Variants in UBE3D observed in about 807,000 individuals in gnomAD.
UBE3D encodes E3 ubiquitin-protein ligase E3D.
A neutral mutation model predicts 49.6 loss-of-function variants in UBE3D; 48 were observed. The observed-to-expected ratio is 0.97, with a 90% CI of 0.77 to 1.23. The LOEUF (loss-of-function observed/expected upper bound fraction) is 1.23. Ranked by LOEUF, UBE3D falls within the 50% of genes most tolerant of loss-of-function variation. The pLI is 0.00. For missense variants in UBE3D, 452 were observed against 468.4 expected (o/e 0.96, Z 0.32); for synonymous variants, 189 against 174.2 (o/e 1.08, Z -0.67).
chr6:83,014,392 T>C (rs2185128), intron 8 of UBE3D, among the ~76,000 whole-genome samples: 117,539 of 151,514 alleles, frequency 0.78, 45,745 homozygotes, highest in East Asian at 0.91. Context: ...TTATGACCCT[T>C]GCCCTACAGT....
intron 9 of UBE3D, among the ~76,000 whole-genome samples, chr6:82,927,266 T>C (rs2127741131): frequency 6.6e-6 from 1 of 152,074 alleles, no homozygotes. Flanking sequence ...ACTGTAGCTT[T>C]ATAGTAAGTC....
In UBE3D at chr6:82,908,154, T is replaced by C. The variant is rs1421146878; in HGVS notation, c.1150-15112A>G. ...TATAGACAAAATGAATCTAAGATGA[T>C]AGAAAATAGAGACAATGGTTTTCAA... On this transcript the variant is annotated intron_variant, in intron 9 of 9. Coordinates refer to ENST00000369747, the MANE Select transcript of UBE3D (RefSeq NM_198920.3). Among the ~76,000 whole-genome samples the C allele has an allele frequency of 2.6e-5, 4 of 152,280 alleles. No individual in the cohort carries two copies. In the South Asian group the frequency reaches 8.3e-4, roughly 32 times the overall value.
intron 3 of UBE3D, among the ~76,000 whole-genome samples, chr6:83,046,619 C>T (rs2127825002): frequency 7.8e-6 from 1 of 128,376 alleles, no homozygotes; most frequent in East Asian, 2.4e-4. Flanking sequence ...ATAACAAAAG[C>T]ACATGTTATA....
At chr6:82,947,207 G>A (rs1368971628) in intron 9 of UBE3D, among the ~76,000 whole-genome samples, 1 of 151,782 alleles carries the variant, frequency 6.6e-6, no homozygotes, top group African/African-American at 2.4e-5. Context: ...AGACAAAGAA[G>A]GTCATTATAT....
intron 8 of UBE3D, among the ~76,000 whole-genome samples, chr6:82,997,498 T>A (rs1016758730): frequency 6.6e-6 from 1 of 151,976 alleles, no homozygotes; most frequent in Non-Finnish European, 1.5e-5. Context: ...GGCGGGAGGA[T>A]CACAAGGTCA....
intron 9 of UBE3D, among the ~76,000 whole-genome samples, chr6:82,952,502 G>T (rs932027556): frequency 6.6e-6 from 1 of 151,752 alleles, no homozygotes; most frequent in Admixed American, 6.6e-5. Context: ...ATGGCTCACT[G>T]CAGGATTGAC....
intron 8 of UBE3D, among the ~76,000 whole-genome samples, chr6:82,979,855 T>G (rs1160137404): frequency 6.6e-6 from 1 of 152,158 alleles, no homozygotes; most frequent in Non-Finnish European, 1.5e-5. Flanking sequence ...TATGACTTCC[T>G]GTTTCTCAGT....
chr6:83,028,939 A>C (rs1781672050), intron 5 of UBE3D, among the ~76,000 whole-genome samples: 1 of 152,034 alleles, frequency 6.6e-6, no homozygotes, highest in East Asian at 1.9e-4. Context: ...ATCTTATTTC[A>C]GTGTCTTTTG....
intron 9 of UBE3D, among the ~76,000 whole-genome samples, chr6:82,902,365 A>C (rs1329217657): frequency 6.6e-6 from 1 of 152,238 alleles, no homozygotes; most frequent in Non-Finnish European, 1.5e-5. Flanking sequence ...GCATTATTTT[A>C]ATAGCCAAAA....
Position 83,054,258 on chromosome 6 carries a change from T to C in UBE3D, c.275-20A>G. 1 of 1,568,944 alleles carries C rather than the reference T, an allele frequency of 6.4e-7. No homozygotes were observed. Among genetic ancestry groups the C allele is most frequent in the Non-Finnish European group, 8.8e-7 (1 of 1,139,134 alleles). ...TCAGTTCTAAAGGAAGTCAATGAAA[T>C]AGCTAATCTTAGAGATTGAAACAAA... On this transcript the variant is annotated intron_variant, in intron 2 of 9. Coordinates refer to ENST00000369747, the MANE Select transcript of UBE3D (RefSeq NM_198920.3).
chr6:83,049,781 C>T (rs1401412577), intron 3 of UBE3D: 2 of 471,014 alleles, frequency 4.2e-6, no homozygotes, highest in Non-Finnish European at 8.8e-6. Flanking sequence ...ATCTGAAAAT[C>T]GAAAGGCTTG....
At chr6:83,042,951 A>G (rs1782775643) in intron 4 of UBE3D, among the ~76,000 whole-genome samples, 1 of 152,238 alleles carries the variant, frequency 6.6e-6, no homozygotes, top group Non-Finnish European at 1.5e-5. Flanking sequence ...ACAATATACA[A>G]TTAAAGAGGG....
intron 9 of UBE3D, among the ~76,000 whole-genome samples, chr6:82,937,841 A>T (rs1774701625): frequency 6.6e-6 from 1 of 152,170 alleles, no homozygotes; most frequent in Non-Finnish European, 1.5e-5. Context: ...ACTAGCCTCC[A>T]CATGAAAGAG....
chr6:83,031,271 A>C (rs981981207), intron 5 of UBE3D, among the ~76,000 whole-genome samples: 1 of 152,200 alleles, frequency 6.6e-6, no homozygotes, highest in African/African-American at 2.4e-5. Context: ...GGCCTCCCAA[A>C]GTGTTGGGAT....
intron 4 of UBE3D, among the ~76,000 whole-genome samples, chr6:83,043,963 A>G (rs947962566): frequency 2.6e-5 from 4 of 152,172 alleles, no homozygotes; most frequent in African/African-American, 7.2e-5. Flanking sequence ...GGGCTCCTCC[A>G]TTCCTCTTTT....
intron 9 of UBE3D, among the ~76,000 whole-genome samples, chr6:82,898,954 C>T (rs1444849890): frequency 1.3e-5 from 2 of 152,022 alleles, no homozygotes; most frequent in Non-Finnish European, 2.9e-5. Context: ...AAGGAATTTC[C>T]GCCTCCTGCT....
chr6:83,020,061 G>A (rs1780978875), intron 7 of UBE3D, among the ~76,000 whole-genome samples: 1 of 152,170 alleles, frequency 6.6e-6, no homozygotes, highest in Admixed American at 6.5e-5. Context: ...CACCAAGAAT[G>A]CCCACTATAA....
chr6:82,941,208 A>G (rs776802110), intron 9 of UBE3D, among the ~76,000 whole-genome samples: 5 of 152,188 alleles, frequency 3.3e-5, no homozygotes, highest in Non-Finnish European at 5.9e-5. Flanking sequence ...TATCTCCAAA[A>G]AAATAAAAAA....
chr6:82,945,403 C>G (rs141358726), intron 9 of UBE3D, among the ~76,000 whole-genome samples: 169 of 152,320 alleles, frequency 1.1e-3, no homozygotes, highest in African/African-American at 3.9e-3. Flanking sequence ...TTAAGACCAT[C>G]ATGCCAGTAT....
Sources: gnomAD v4.1 joint callset for allele counts (sites outside exome capture counted in the v4.1 genomes callset) on GRCh38, gnomAD v4.1.1 for gene constraint, MANE v1.5 for transcripts, NCBI Gene and HGNC (gene_info 2026-07-23, HGNC 2026-07-21) for gene names.